Variants in LAMB4 observed in about 807,000 individuals in gnomAD.
LAMB4 encodes laminin subunit beta 4.
Under a neutral mutation model 199.2 loss-of-function variants are expected in LAMB4, and 196 were observed. The ratio of observed to expected loss-of-function variants is 0.98; its 90% CI spans 0.88 to 1.11. LAMB4 has a LOEUF of 1.11. Ranked by LOEUF, LAMB4 falls within the 50% of genes least tolerant of loss-of-function variation. The pLI is 0.00. For missense variants in LAMB4, 2,080 were observed against 2,171.2 expected (o/e 0.96, Z 0.83); for synonymous variants, 744 against 770.6 (o/e 0.97, Z 0.57).
downstream of LAMB4, among the ~76,000 whole-genome samples, chr7:108,021,876 C>A (rs1344217893): frequency 6.6e-6 from 1 of 152,154 alleles, no homozygotes; most frequent in Non-Finnish European, 1.5e-5. Flanking sequence ...AGAGGAAAAA[C>A]TCCCCTTCTA....
chr7:108,127,777 C>T (rs1450929757), intron 1 of LAMB4, among the ~76,000 whole-genome samples: 1 of 152,160 alleles, frequency 6.6e-6, no homozygotes. Flanking sequence ...CTTTGCACTC[C>T]AAAGACTGAT....
At chr7:108,026,665 T>C (rs979959691) in intron 33 of LAMB4, 4 of 226,642 alleles carry the variant, frequency 1.8e-5, no homozygotes, top group Admixed American at 1.1e-4. Flanking sequence ...CCACGCATGC[T>C]TTCTGTTTCT....
intron 33 of LAMB4, among the ~76,000 whole-genome samples, chr7:108,026,380 T>A (rs1270846663): frequency 6.6e-6 from 1 of 152,092 alleles, no homozygotes; most frequent in Non-Finnish European, 1.5e-5. Context: ...ACTCTTGTGG[T>A]GCCCTGAAAC....
At chr7:108,112,956 C>G (rs1048181424) in intron 3 of LAMB4, among the ~76,000 whole-genome samples, 9 of 152,212 alleles carry the variant, frequency 5.9e-5, no homozygotes, top group Non-Finnish European at 1.3e-4. Flanking sequence ...GTCTACTTGG[C>G]TTTTCACTCT....
rs1270490497 is a variant in LAMB4, at chr7:108,077,050, G to A, written c.2018C>T (p.Pro673Leu). 4.3e-6 allele frequency: 7 copies of A among 1,613,590 alleles called. No homozygotes were observed. Among genetic ancestry groups the A allele is most frequent in the South Asian group, 2.2e-5 (2 of 91,040 alleles). Residue 673 changes from proline to leucine, a missense_variant, in exon 17 of 34, where the codon CCC becomes CTC. By Grantham distance (98) the Pro-to-Leu change is moderately conservative. Coordinates refer to ENST00000388781, the MANE Select transcript of LAMB4 (RefSeq NM_007356.3). Reference sequence around the variant, plus strand: ...ATCTGGTTCTAAACAGATGGGTGTGGGAAGCAGCATGATTCTGTATTAAGA... The same window carrying A: ...ATCTGGTTCTAAACAGATGGGTGTGAGAAGCAGCATGATTCTGTATTAAGA... Reference protein sequence around the residue: ...LPAATRIMLLPTPICLEPDVQ... With the variant: ...LPAATRIMLLLTPICLEPDVQ...
Position 108,034,397 on chromosome 7 carries a change from T to C in LAMB4, c.4680-51A>G, listed in dbSNP as rs1436140585. ...ATTAGATAAATACACAATTATTCAC[T>C]TATTTCACCTTGAGAGAGTTCATTT... On this transcript the variant is annotated intron_variant, in intron 30 of 33. Transcript: ENST00000388781. The C allele has an allele frequency of 2.1e-6, 3 of 1,417,208 alleles. No individual in the cohort carries two copies. In the African/African-American group the frequency reaches 4.2e-5, roughly 20 times the overall value. 87.8% of individuals were successfully genotyped at this position (1,417,208 alleles called of 1,614,324 possible). A position where few individuals can be genotyped will look rare whatever the true frequency, so the allele number is the denominator to read the frequency against.
At chr7:108,109,600 T>G (rs2038146391) in intron 4 of LAMB4, among the ~76,000 whole-genome samples, 1 of 152,200 alleles carries the variant, frequency 6.6e-6, no homozygotes, top group African/African-American at 2.4e-5. Context: ...CACATAAACA[T>G]GAGCTAGCTA....
At chr7:108,104,644 T>C (rs1242984061) in intron 8 of LAMB4, 25 bp from the exon 9 acceptor site, 2 of 1,610,002 alleles carry the variant, frequency 1.2e-6, no homozygotes, top group South Asian at 2.2e-5. Flanking sequence ...AAATAGAGCG[T>C]TGAAAGAGGG....
chr7:108,023,180 T>G (rs1220494935), downstream of LAMB4, among the ~76,000 whole-genome samples: 2 of 152,216 alleles, frequency 1.3e-5, no homozygotes, highest in African/African-American at 4.8e-5. Flanking sequence ...TTTTCATTTA[T>G]CAATGTTGAT....
chr7:108,018,696 C>G (rs766940614), downstream of LAMB4, among the ~76,000 whole-genome samples: 81 of 152,078 alleles, frequency 5.3e-4, no homozygotes, highest in South Asian at 1.5e-3. Flanking sequence ...CAGAGCAAGA[C>G]TCCGTCTCAA....
chr7:108,128,189 C>T (rs544267593), intron 1 of LAMB4, among the ~76,000 whole-genome samples: 12 of 152,178 alleles, frequency 7.9e-5, no homozygotes, highest in East Asian at 3.9e-4. Context: ...CAAGCAGGAG[C>T]GGTTCTCCAG....
intron 4 of LAMB4, among the ~76,000 whole-genome samples, chr7:108,109,450 GC>G (rs2038141126): frequency 2.0e-5 from 3 of 152,178 alleles, no homozygotes; most frequent in Non-Finnish European, 4.4e-5. Context: ...CCCTGACTGT[GC>G]CCACATCTGT....
intron 19 of LAMB4, 120 bp from the exon 20 acceptor site, chr7:108,066,720 C>T (rs763230681): frequency 1.2e-4 from 80 of 650,324 alleles, no homozygotes; most frequent in Non-Finnish European, 1.8e-4. Context: ...AAGCCTGTAA[C>T]GTGCTTAGGA....
rs548510168 is a variant in LAMB4, at chr7:108,049,535, C to T, written c.3917-4G>A. On this transcript the variant is annotated splice_region_variant and splice_polypyrimidine_tract_variant and intron_variant, in intron 26 of 33. Transcript: ENST00000388781. ...TTCTTGATGTTTTCTGAGGAGTCTA[C>T]GTCAATGCAAATTGAAGTAAGGTAA... 129 of 1,553,044 alleles carry T rather than the reference C, an allele frequency of 8.3e-5. No individual in the cohort carries two copies. Among genetic ancestry groups the T allele is most frequent in the Non-Finnish European group, 1.0e-4 (117 of 1,141,640 alleles).
intron 17 of LAMB4, among the ~76,000 whole-genome samples, chr7:108,076,371 T>C (rs933143689): frequency 1.3e-5 from 2 of 152,100 alleles, no homozygotes; most frequent in Non-Finnish European, 2.9e-5. Flanking sequence ...TCAGGAAATA[T>C]TATGCATGGT....
At chr7:108,108,866 G>A (rs1304613875) in intron 5 of LAMB4, among the ~76,000 whole-genome samples, 1 of 151,466 alleles carries the variant, frequency 6.6e-6, no homozygotes, top group Non-Finnish European at 1.5e-5. Context: ...ATAATTTCCA[G>A]TTCTTGCCCT....
intron 23 of LAMB4, among the ~76,000 whole-genome samples, chr7:108,059,785 C>T (rs535154666): frequency 1.9e-4 from 29 of 152,324 alleles, no homozygotes; most frequent in African/African-American, 6.0e-4. Flanking sequence ...ACTCCCACCC[C>T]GTATTTATGC....
intron 31 of LAMB4, among the ~76,000 whole-genome samples, chr7:108,033,010 C>T (rs2035093842): frequency 2.6e-5 from 4 of 152,052 alleles, no homozygotes; most frequent in Non-Finnish European, 5.9e-5. Context: ...TCTAAATATC[C>T]AATCTAATAT....
At chr7:108,065,123 G>A (rs1490637528) in intron 21 of LAMB4, among the ~76,000 whole-genome samples, 4 of 152,056 alleles carry the variant, frequency 2.6e-5, no homozygotes, top group Non-Finnish European at 4.4e-5. Flanking sequence ...GCCCAGGCTG[G>A]TCTTGGATTC....
Sources: gnomAD v4.1 joint callset for allele counts (sites outside exome capture counted in the v4.1 genomes callset) on GRCh38, gnomAD v4.1.1 for gene constraint, MANE v1.5 for transcripts, NCBI Gene and HGNC (gene_info 2026-07-23, HGNC 2026-07-21) for gene names.